The following HIPK2 variants were observed in gnomAD, a reference collection of about 807,000 sequenced individuals.
HIPK2 encodes homeodomain interacting protein kinase 2, also known as homeodomain-interacting protein kinase 2.
Under a neutral mutation model 113.7 loss-of-function variants are expected in HIPK2, and 27 were observed. The ratio of observed to expected loss-of-function variants is 0.24; its 90% confidence interval spans 0.17 to 0.33. The LOEUF is 0.33. Ranked by LOEUF, HIPK2 falls within the 10% of genes least tolerant of loss-of-function variation. The pLI is 1.00. For synonymous variants in HIPK2, 631 were observed against 642.2 expected, an observed-to-expected ratio of 0.98 and a Z score of 0.26; for missense variants, 1,257 against 1,588.0, an observed-to-expected ratio of 0.79 and a Z score of 3.54.
intron 2 of HIPK2, among the ~76,000 whole-genome samples, chr7:139,673,816 G>A (rs994481412): frequency 6.7e-6 from 1 of 148,864 alleles, no homozygotes; most frequent in Non-Finnish European, 1.5e-5. Context: ...GGGAGGGTGA[G>A]CCAGGTGGAT....
In HIPK2 at chr7:139,716,547, A is replaced by C. The variant is rs776813164; in HGVS notation, c.488T>G (p.Val163Gly). ...MIQNNASGATVATATTSTATS... is the reference protein window; with the variant it reads ...MIQNNASGATGATATTSTATS... ...GGCAGTAGACGTGGTGGCAGTGGCG[A>C]CAGTGGCCCCGCTTGCATTATTCTG... The change falls in exon 2 of 15, where the codon GTC becomes GGC. Residue 163 changes from valine (V) to glycine (G), a missense_variant. Val to Gly is a moderately radical substitution (Grantham distance 109). Coordinates refer to ENST00000406875, the MANE Select transcript of HIPK2 (RefSeq NM_022740.5). The surrounding 1 kb of genome is among the most constrained non-coding windows in gnomAD (Gnocchi z 9.3). The C allele has an allele frequency of 6.2e-7, 1 of 1,613,984 alleles. No individual in the cohort carries two copies. Among genetic ancestry groups the C allele is most frequent in the Non-Finnish European group, 8.5e-7 (1 of 1,179,888 alleles).
chr7:139,620,259 T>C, intron 7 of HIPK2, 142 bp downstream of exon 7: 1 of 1,240,222 alleles, frequency 8.1e-7, no homozygotes, highest in Non-Finnish European at 1.1e-6. Flanking sequence ...TCAAAGGAAA[T>C]AACCTTGGAT....
At chr7:139,699,269 C>T (rs1020202497) in intron 2 of HIPK2, among the ~76,000 whole-genome samples, 6,762 of 152,074 alleles carry the variant, frequency 0.044, 503 homozygotes, top group African/African-American at 0.16. Context: ...CTAGGAAAGG[C>T]GATGTTGTCA....
intron 2 of HIPK2, among the ~76,000 whole-genome samples, chr7:139,669,806 T>C (rs1401517090): frequency 6.6e-6 from 1 of 152,136 alleles, no homozygotes; most frequent in South Asian, 2.1e-4. Flanking sequence ...GTGAGTGTGG[T>C]TTTTTTAGGA....
intron 2 of HIPK2, among the ~76,000 whole-genome samples, chr7:139,701,454 T>A (rs1402033020): frequency 4.6e-5 from 7 of 152,184 alleles, no homozygotes; most frequent in African/African-American, 1.2e-4. Flanking sequence ...ACCTAGAACG[T>A]CGGCTCTCAT....
At chr7:139,749,808 A>G (rs368736340) in intron 1 of HIPK2, among the ~76,000 whole-genome samples, 1 of 152,178 alleles carries the variant, frequency 6.6e-6, no homozygotes, top group African/African-American at 2.4e-5. Context: ...GCCACGCCGC[A>G]CAACAGTTCA....
chr7:139,702,463 A>C (rs1794739525), intron 2 of HIPK2, among the ~76,000 whole-genome samples: 1 of 152,194 alleles, frequency 6.6e-6, no homozygotes, highest in Non-Finnish European at 1.5e-5. Context: ...ACCCTCGCCG[A>C]GGCCCAGCAC....
At chr7:139,693,995 T>G (rs1214041815) in intron 2 of HIPK2, among the ~76,000 whole-genome samples, 1 of 152,208 alleles carries the variant, frequency 6.6e-6, no homozygotes, top group African/African-American at 2.4e-5. Context: ...CAGTCTTTCC[T>G]TGAAGTGACT....
intron 1 of HIPK2, among the ~76,000 whole-genome samples, chr7:139,740,699 G>T (rs981340727): frequency 6.6e-6 from 1 of 152,212 alleles, no homozygotes; most frequent in Non-Finnish European, 1.5e-5. Context: ...CAAGGGATCA[G>T]ACTGGTGCAC....
At chr7:139,710,338 C>T (rs1370659782) in intron 2 of HIPK2, among the ~76,000 whole-genome samples, 1 of 152,198 alleles carries the variant, frequency 6.6e-6, no homozygotes, top group Non-Finnish European at 1.5e-5. Flanking sequence ...GTCTCCATGA[C>T]CCCTAGACTT....
chr7:139,748,038 T>G (rs778926375), intron 1 of HIPK2, among the ~76,000 whole-genome samples: 1 of 152,142 alleles, frequency 6.6e-6, no homozygotes, highest in Non-Finnish European at 1.5e-5. Context: ...CAATTTTTTT[T>G]TTTAACTGTC....
rs1238223297 is a variant in HIPK2 at position 139,762,242 on chromosome 7, C to T, written c.19+15363G>A. On this transcript the variant is annotated intron_variant, in intron 1 of 14. Coordinates refer to ENST00000406875, the MANE Select transcript of HIPK2 (RefSeq NM_022740.5). ...TGATTCTCTGACAAATCAAAGATTT[C>T]TTCCCCAGATGGTGGCAACACTGTA... is the stretch of plus-strand genomic sequence containing the variant. Among the ~76,000 whole-genome samples, 6 of 152,198 alleles carry T rather than the reference C, an allele frequency of 3.9e-5. No homozygotes were observed. The South Asian group carries it at 8.3e-4, about 21-fold the overall frequency.
chr7:139,655,907 A>G (rs987872856), intron 2 of HIPK2, among the ~76,000 whole-genome samples: 1 of 152,090 alleles, frequency 6.6e-6, no homozygotes, highest in Non-Finnish European at 1.5e-5. Context: ...GTGCCAGGGA[A>G]GCTGGAAAGG....
chr7:139,752,950 A>C (rs1796304447), intron 1 of HIPK2, among the ~76,000 whole-genome samples: 1 of 152,190 alleles, frequency 6.6e-6, no homozygotes, highest in African/African-American at 2.4e-5. Context: ...AGAAATGAGC[A>C]CAAGTTTGTC....
At chr7:139,573,515 G>A (rs1416350297) in intron 14 of HIPK2, 118 bp from the exon 15 acceptor site, 1 of 928,124 alleles carries the variant, frequency 1.1e-6, no homozygotes, top group Non-Finnish European at 1.6e-6. Flanking sequence ...AGAAGTAATA[G>A]AAGGGGCTTC....
rs1331531312 is a variant in HIPK2, at chr7:139,714,359, G to C, written c.1103+1573C>G. ...AAAGGAGACGGGGTGGAAGGTGGGA[G>C]GGCATCTGGGGATCCGAACGGAGGG... On this transcript the variant is annotated intron_variant, in intron 2 of 14. Coordinates refer to ENST00000406875, the MANE Select transcript of HIPK2 (RefSeq NM_022740.5). The surrounding 1 kb of genome is among the most constrained non-coding windows in gnomAD (Gnocchi z 4.2). 6.6e-6 allele frequency among the ~76,000 whole-genome samples: 1 copy of C among 152,222 alleles called. No individual in the cohort carries two copies. Among genetic ancestry groups the C allele is most frequent in the Non-Finnish European group, 1.5e-5 (1 of 68,046 alleles).
intron 1 of HIPK2, among the ~76,000 whole-genome samples, chr7:139,736,031 T>C (rs1172698824): frequency 6.6e-6 from 1 of 152,154 alleles, no homozygotes; most frequent in East Asian, 1.9e-4. Flanking sequence ...GGCAGGTCTT[T>C]GGTGCCTAGT....
chr7:139,566,637 T>A lies in HIPK2; in HGVS notation c.*6290A>T, dbSNP rs1176159323. 6.6e-6 allele frequency: 1 copy of A among 152,182 alleles called. No individual in the cohort carries two copies. Among genetic ancestry groups the A allele is most frequent in the East Asian group, 1.9e-4 (1 of 5,188 alleles). 9.4% of individuals were successfully genotyped at this position (152,182 alleles called of 1,614,324 possible). A position where few individuals can be genotyped will look rare whatever the true frequency, so the allele number is the denominator to read the frequency against. On this transcript the variant is annotated 3_prime_UTR_variant, in exon 15 of 15. Coordinates refer to ENST00000406875, the MANE Select transcript of HIPK2 (RefSeq NM_022740.5). This position sits in a 1 kb window ranked among gnomAD's most constrained non-coding sequence, Gnocchi z 4.1. ...CCACTTCTCAGAGCATCCGGTCAGCTCCCTTATCTATAAATGGGGGCTGTT... is the reference window on the plus strand; with the variant it reads ...CCACTTCTCAGAGCATCCGGTCAGCACCCTTATCTATAAATGGGGGCTGTT...
In HIPK2 at chr7:139,716,620, C is replaced by T. The variant is rs1463711994; in HGVS notation, c.415G>A (p.Glu139Lys). 5 of 1,613,862 alleles carry T rather than the reference C, an allele frequency of 3.1e-6. No individual in the cohort carries two copies. Among genetic ancestry groups the T allele is most frequent in the African/African-American group, 1.3e-5 (1 of 74,924 alleles). ...ATGATCTGCACGCTGCTTGTGTTCT[C>T]GATCTCCTCGCTCTTACGCTTGAGT... ...CGLKRKSEEI[E>K]NTSSVQIIEE... Residue 139 changes from glutamate (E) to lysine (K), a missense_variant, in exon 2 of 15, where the codon GAG (glutamate) becomes AAG (lysine). Transcript: ENST00000406875. This position sits in a 1 kb window ranked among gnomAD's most constrained non-coding sequence, Gnocchi z 9.3.
Sources: allele counts gnomAD v4.1 joint callset (sites outside exome capture counted in the v4.1 genomes callset), GRCh38; gene constraint gnomAD v4.1.1; non-coding constraint Gnocchi (gnomAD v3.1); transcripts MANE v1.5; gene names NCBI Gene and HGNC (gene_info 2026-07-23, HGNC 2026-07-21).